STXBP4: variants seen among roughly 807,000 people sequenced by gnomAD.
The protein encoded by STXBP4 is syntaxin binding protein 4.
A neutral mutation model predicts 76.1 loss-of-function variants in STXBP4; 55 were observed. The observed-to-expected ratio is 0.72, with a 90% CI of 0.58 to 0.91. STXBP4 has a LOEUF of 0.91. Among genes scored for constraint, STXBP4 ranks in the 40% least tolerant of loss-of-function variants. STXBP4 has a pLI of 0.00. For missense variants in STXBP4, 618 were observed against 636.9 expected (o/e 0.97, Z 0.32); for synonymous variants, 201 against 220.2 (o/e 0.91, Z 0.77).
the STXBP4 span, among the ~76,000 whole-genome samples, chr17:55,211,769 T>G: frequency 0.013 from 2,002 of 151,328 alleles, 43 homozygotes; most frequent in African/African-American, 0.046. Flanking sequence ...TACAAATTAG[T>G]TTGGGGAATG....
chr17:55,138,209 C>T (rs562044468), intron 16 of STXBP4, among the ~76,000 whole-genome samples: 1 of 151,960 alleles, frequency 6.6e-6, no homozygotes, highest in South Asian at 2.1e-4. Context: ...TTCATATGAT[C>T]AAGGGTCATG....
In STXBP4 at chr17:55,144,005, G is replaced by GCGCA. The variant is rs373154905; in HGVS notation, c.1547+2639_1547+2640insGCAC. Among the ~76,000 whole-genome samples the GCGCA allele has an allele frequency of 8.8e-3, 1,222 of 138,922 alleles. 11 individuals are homozygous for GCGCA. Among genetic ancestry groups the GCGCA allele is most frequent in the African/African-American group, 0.032 (1,171 of 36,782 alleles). 91.1% of individuals were successfully genotyped at this position (138,922 alleles called of 152,430 possible). A position where few individuals can be genotyped will look rare whatever the true frequency, so the allele number is the denominator to read the frequency against. On this transcript the variant is annotated intron_variant, in intron 17 of 17. Transcript: ENST00000376352. ...GGGTTGTCTGGCCCCAAAGCCACCT[G>GCGCA]CACACACACACACACACACACACAC...
chr17:55,043,624 A>G, intron 11 of STXBP4: 1 of 1,549,860 alleles, frequency 6.5e-7, no homozygotes, highest in South Asian at 1.2e-5. Context: ...GCCAGGGCAG[A>G]ATTAGATGAA....
intron 16 of STXBP4, among the ~76,000 whole-genome samples, chr17:55,101,430 G>A (rs1417511788): frequency 6.6e-6 from 1 of 152,134 alleles, no homozygotes; most frequent in Non-Finnish European, 1.5e-5. Context: ...AACAGCAGCT[G>A]TTGTATTAGA....
At chr17:55,185,251 C>CCTTCTCCTT in the STXBP4 span, among the ~76,000 whole-genome samples, 6 of 49,330 alleles carry the variant, frequency 1.2e-4, no homozygotes, top group African/African-American at 4.7e-4. Flanking sequence ...TTCTTCTTCT[C>CCTTCTCCTT]CTTCTCCTTC....
chr17:55,194,661 A>G, the STXBP4 span, among the ~76,000 whole-genome samples: 1 of 152,238 alleles, frequency 6.6e-6, no homozygotes, highest in African/African-American at 2.4e-5. Flanking sequence ...GACAGAAGGC[A>G]CAAGCATCAA....
At chr17:55,068,012 T>C (rs1443876916) in intron 12 of STXBP4, among the ~76,000 whole-genome samples, 1 of 152,202 alleles carries the variant, frequency 6.6e-6, no homozygotes, top group East Asian at 1.9e-4. Flanking sequence ...GGGTGAGTTA[T>C]ACCTTCATTT....
At chr17:54,979,210 T>G (rs999386573) in intron 1 of STXBP4, among the ~76,000 whole-genome samples, 1 of 152,212 alleles carries the variant, frequency 6.6e-6, no homozygotes, top group Admixed American at 6.5e-5. Flanking sequence ...GTTCTCTCAC[T>G]TTTTCTAACC....
intron 11 of STXBP4, among the ~76,000 whole-genome samples, chr17:55,046,313 C>A (rs1397018730): frequency 6.6e-6 from 1 of 151,910 alleles, no homozygotes; most frequent in African/African-American, 2.4e-5. Context: ...CATTTCACCT[C>A]TTAGACAAGA....
At chr17:55,132,313 C>T (rs1228006504) in intron 16 of STXBP4, among the ~76,000 whole-genome samples, 1 of 152,132 alleles carries the variant, frequency 6.6e-6, no homozygotes, top group African/African-American at 2.4e-5. Flanking sequence ...GCCTCAGCCT[C>T]CTGAGTAGCT....
chr17:55,027,896 G>A (rs1045608193), intron 8 of STXBP4, among the ~76,000 whole-genome samples: 3 of 151,956 alleles, frequency 2.0e-5, no homozygotes, highest in Non-Finnish European at 4.4e-5. Flanking sequence ...GTGTTTTATT[G>A]TCCTACTTTA....
At chr17:55,087,067 G>A (rs1011382419) in intron 16 of STXBP4, among the ~76,000 whole-genome samples, 1 of 152,046 alleles carries the variant, frequency 6.6e-6, no homozygotes, top group African/African-American at 2.4e-5. Flanking sequence ...CTTCTTTTGG[G>A]AAATGTCTGT....
At chr17:55,069,123 T>A (rs2144856118) in intron 12 of STXBP4, among the ~76,000 whole-genome samples, 1 of 146,754 alleles carries the variant, frequency 6.8e-6, no homozygotes, top group African/African-American at 2.5e-5. Context: ...AAAGGGCCAG[T>A]GTGAGTTGAA....
At chr17:55,153,375 A>T (rs2080237187) in intron 17 of STXBP4, among the ~76,000 whole-genome samples, 1 of 152,200 alleles carries the variant, frequency 6.6e-6, no homozygotes, top group Non-Finnish European at 1.5e-5. Context: ...CGGAATCAAT[A>T]ATACTGACAA....
chr17:55,212,935 G>T, the STXBP4 span, among the ~76,000 whole-genome samples: 6 of 152,098 alleles, frequency 3.9e-5, no homozygotes, highest in African/African-American at 1.4e-4. Flanking sequence ...CGGAGGACAC[G>T]CATGAACCCT....
chr17:55,008,808 G>T (rs564927012), intron 8 of STXBP4, among the ~76,000 whole-genome samples: 29 of 152,148 alleles, frequency 1.9e-4, no homozygotes, highest in African/African-American at 5.5e-4. Flanking sequence ...GGATCAGCTG[G>T]GTTTTATGGC....
At position 55,078,834 on chromosome 17, in the gene STXBP4, A is replaced by T. The variant is rs188810747; in HGVS notation, c.1355+99A>T. ...TACTAAAAATCTCTTAAATAGTCCT[A>T]AGGTGCTACATAACTCCCATTGGAT... is the stretch of plus-strand genomic sequence containing the variant. On this transcript the variant is annotated intron_variant, in intron 15 of 17. Transcript: ENST00000376352. 20 of 715,848 alleles carry T rather than the reference A, an allele frequency of 2.8e-5. No individual in the cohort carries two copies. In the East Asian group the frequency reaches 5.3e-4, roughly 19 times the overall value. The allele number at this position is 715,848 out of a possible 1,614,324, so 44.3% of individuals were successfully genotyped here. A position where few individuals can be genotyped will look rare whatever the true frequency, so the allele number is the denominator to read the frequency against.
At chr17:54,983,401 A>T (rs986992668) in intron 1 of STXBP4, among the ~76,000 whole-genome samples, 2 of 152,190 alleles carry the variant, frequency 1.3e-5, no homozygotes, top group African/African-American at 4.8e-5. Context: ...GGACCTGGGG[A>T]CCTGTGTCCA....
At chr17:55,043,168 AT>A in intron 10 of STXBP4, 67 bp from the exon 11 acceptor site, 5 of 750,178 alleles carry the variant, frequency 6.7e-6, no homozygotes, top group Non-Finnish European at 9.7e-6. Flanking sequence ...GTCAAAAATG[AT>A]TTTTATGTTA....
Sources: allele counts gnomAD v4.1 joint callset (sites outside exome capture counted in the v4.1 genomes callset), GRCh38; gene constraint gnomAD v4.1.1; transcripts MANE v1.5; gene names NCBI Gene and HGNC (gene_info 2026-07-23, HGNC 2026-07-21).